The following SUPT3H variants were observed in gnomAD, a reference collection of about 807,000 sequenced individuals.
SUPT3H encodes transcription initiation protein SPT3 homolog.
SUPT3H carries 44 observed loss-of-function variants against 44.3 expected under a neutral mutation model. That is an observed-to-expected ratio of 0.99 (90% CI 0.78 to 1.28). The LOEUF is 1.28. Among genes scored for constraint, SUPT3H ranks in the 50% most tolerant of loss-of-function variants. The pLI, the probability that SUPT3H is intolerant of heterozygous loss-of-function variation, is 0.00. For synonymous variants in SUPT3H, 124 were observed against 125.6 expected (o/e 0.99, Z 0.09); for missense variants, 380 against 387.1 (o/e 0.98, Z 0.15).
intron 4 of SUPT3H, among the ~76,000 whole-genome samples, chr6:45,017,528 A>T (rs1417609150): frequency 3.2e-4 from 48 of 152,094 alleles, no homozygotes; most frequent in Non-Finnish European, 4.6e-4. Flanking sequence ...TTGTATAAGG[A>T]GTAAGGAAGG....
At chr6:45,333,348 A>T (rs1787899382) in intron 2 of SUPT3H, among the ~76,000 whole-genome samples, 2 of 151,576 alleles carry the variant, frequency 1.3e-5, no homozygotes, top group South Asian at 4.1e-4. Flanking sequence ...CATGAAACAG[A>T]CCATACATTC....
chr6:45,297,444 T>C (rs957054614), intron 2 of SUPT3H, among the ~76,000 whole-genome samples: 1 of 152,236 alleles, frequency 6.6e-6, no homozygotes, highest in Admixed American at 6.5e-5. Flanking sequence ...AGTTGGTTTG[T>C]GTTTAAAGGT....
chr6:45,366,619 G>C (rs896242002), intron 1 of SUPT3H, among the ~76,000 whole-genome samples: 4 of 151,900 alleles, frequency 2.6e-5, no homozygotes, highest in African/African-American at 9.7e-5. Flanking sequence ...TCACAATCAG[G>C]CAAGTTTTTA....
chr6:45,106,760 T>C (rs1799344885), intron 2 of SUPT3H, among the ~76,000 whole-genome samples: 1 of 152,192 alleles, frequency 6.6e-6, no homozygotes, highest in South Asian at 2.1e-4. Flanking sequence ...GGTCTCGAAC[T>C]CCTGACCTCA....
chr6:45,207,471 A>G lies in SUPT3H; in HGVS notation c.102-101465T>C, dbSNP rs112792020. Among the ~76,000 whole-genome samples the G allele has an allele frequency of 9.1e-3, 1,380 of 152,326 alleles. 15 individuals are homozygous for G. The highest frequency in any genetic ancestry group is 0.028 in the South Asian group (137 of 4,828). On this transcript the variant is annotated intron_variant, in intron 2 of 10. Coordinates refer to ENST00000371459, the MANE Select transcript of SUPT3H (RefSeq NM_003599.4). ...GAGAAATTATGCTAAAAAGGAAGCA[A>G]GGTAATGGGATGGTAAATAGAGACT...
At chr6:45,232,143 C>T (rs1409957366) in intron 2 of SUPT3H, among the ~76,000 whole-genome samples, 1 of 152,172 alleles carries the variant, frequency 6.6e-6, no homozygotes, top group Admixed American at 6.5e-5. Flanking sequence ...TGTGTCCTAA[C>T]ATTGATATCT....
intron 2 of SUPT3H, among the ~76,000 whole-genome samples, chr6:45,204,787 CT>C (rs1762976293): frequency 6.6e-6 from 1 of 152,136 alleles, no homozygotes. Flanking sequence ...CCAAAATCAC[CT>C]TAATTTTTGA....
chr6:44,850,653 C>T (rs1013936384), intron 10 of SUPT3H, among the ~76,000 whole-genome samples: 1 of 152,120 alleles, frequency 6.6e-6, no homozygotes, highest in Non-Finnish European at 1.5e-5. Context: ...AAGTTTATGA[C>T]TGAAATACTG....
intron 3 of SUPT3H, among the ~76,000 whole-genome samples, chr6:45,032,702 C>T (rs1042795287): frequency 3.9e-5 from 6 of 152,098 alleles, no homozygotes; most frequent in African/African-American, 1.4e-4. Context: ...AAAAGTGAGA[C>T]ATCACTGTCT....
intron 3 of SUPT3H, among the ~76,000 whole-genome samples, chr6:45,036,504 C>T (rs1787697683): frequency 6.6e-6 from 1 of 151,926 alleles, no homozygotes; most frequent in Non-Finnish European, 1.5e-5. Context: ...AACAGTAATA[C>T]TAAAAACAGG....
intron 2 of SUPT3H, among the ~76,000 whole-genome samples, chr6:45,299,500 A>G (rs907335317): frequency 2.6e-5 from 4 of 152,202 alleles, no homozygotes; most frequent in Admixed American, 1.3e-4. Flanking sequence ...AATGTGTAAT[A>G]TAAGTAAAAG....
At chr6:45,279,230 T>C (rs776804017) in intron 2 of SUPT3H, among the ~76,000 whole-genome samples, 30 of 152,276 alleles carry the variant, frequency 2.0e-4, no homozygotes, top group Non-Finnish European at 4.0e-4. Context: ...TAAAATACCA[T>C]GTGACCAGTA....
intron 10 of SUPT3H, among the ~76,000 whole-genome samples, chr6:44,929,381 T>C (rs1322094115): frequency 6.6e-6 from 1 of 152,182 alleles, no homozygotes; most frequent in Admixed American, 6.5e-5. Context: ...AATGGATATA[T>C]ATATACACAT....
At chr6:45,092,010 A>G (rs903779791) in intron 3 of SUPT3H, among the ~76,000 whole-genome samples, 1 of 152,108 alleles carries the variant, frequency 6.6e-6, no homozygotes, top group Non-Finnish European at 1.5e-5. Context: ...ATTTTAATAT[A>G]TATTTTCTGG....
intron 3 of SUPT3H, among the ~76,000 whole-genome samples, chr6:45,074,767 C>G (rs1295251073): frequency 6.6e-6 from 1 of 152,012 alleles, no homozygotes; most frequent in African/African-American, 2.4e-5. Flanking sequence ...ACTGTCAAAA[C>G]TCCCTGAGTT....
At chr6:45,110,561 G>GC (rs1799902994) in intron 2 of SUPT3H, among the ~76,000 whole-genome samples, 2 of 94,246 alleles carry the variant, frequency 2.1e-5, no homozygotes, top group African/African-American at 1.2e-4. Flanking sequence ...TCTAACATCA[G>GC]CTTTTTTTAA....
chr6:45,332,458 T>C (rs1787709389), intron 2 of SUPT3H, among the ~76,000 whole-genome samples: 2 of 151,882 alleles, frequency 1.3e-5, no homozygotes, highest in Admixed American at 1.3e-4. Flanking sequence ...CCGTGCATAC[T>C]TGAAAATTGA....
At chr6:44,861,820 C>T (rs1688956259) in intron 10 of SUPT3H, among the ~76,000 whole-genome samples, 1 of 152,156 alleles carries the variant, frequency 6.6e-6, no homozygotes. Flanking sequence ...AGGAAGATAC[C>T]AAGCTTGGAA....
intron 2 of SUPT3H, among the ~76,000 whole-genome samples, chr6:45,275,537 A>G (rs1715226923): frequency 6.6e-6 from 1 of 152,222 alleles, no homozygotes; most frequent in South Asian, 2.1e-4. Flanking sequence ...ACAGATTTGA[A>G]GAGACTAAGA....
Sources: allele counts gnomAD v4.1 joint callset (sites outside exome capture counted in the v4.1 genomes callset), GRCh38; gene constraint gnomAD v4.1.1; transcripts MANE v1.5; gene names NCBI Gene and HGNC (gene_info 2026-07-23, HGNC 2026-07-21).